Variants in WDR49 observed in about 807,000 individuals in gnomAD.
The protein encoded by WDR49 is cilia- and flagella-associated protein 337.
A neutral mutation model predicts 119.5 loss-of-function variants in WDR49; 107 were observed. That is an observed-to-expected ratio of 0.90 (90% confidence interval 0.77 to 1.05). The LOEUF is 1.05. Ranked by LOEUF, WDR49 falls within the 50% of genes least tolerant of loss-of-function variation. The pLI is 0.00. For synonymous variants in WDR49, 425 were observed against 418.8 expected, an observed-to-expected ratio of 1.01 and a Z score of -0.18; for missense variants, 1,240 against 1,220.5, an observed-to-expected ratio of 1.02 and a Z score of -0.24.
At chr3:167,562,503 A>G (rs1340002731) in intron 8 of WDR49, among the ~76,000 whole-genome samples, 3 of 152,238 alleles carry the variant, frequency 2.0e-5, no homozygotes, top group African/African-American at 7.2e-5. Context: ...TATTTATGCT[A>G]CACATTTTCT....
chr3:167,549,140 C>T (rs964189595), intron 10 of WDR49, among the ~76,000 whole-genome samples: 1 of 152,116 alleles, frequency 6.6e-6, no homozygotes, highest in Non-Finnish European at 1.5e-5. Flanking sequence ...GTGAATAGTG[C>T]CACAATAAAC....
At chr3:167,521,036 C>T (rs754967343) in intron 16 of WDR49, among the ~76,000 whole-genome samples, 1 of 152,042 alleles carries the variant, frequency 6.6e-6, no homozygotes, top group Non-Finnish European at 1.5e-5. Flanking sequence ...CTGTGTCTCA[C>T]TAACACCTGA....
intron 5 of WDR49, among the ~76,000 whole-genome samples, chr3:167,611,847 T>A (rs1716354575): frequency 6.6e-6 from 1 of 152,116 alleles, no homozygotes; most frequent in Admixed American, 6.5e-5. Flanking sequence ...AGGTAAATAT[T>A]ATTAGAACTG....
chr3:167,586,257 A>AG (rs1461152939), intron 7 of WDR49, among the ~76,000 whole-genome samples: 1 of 121,984 alleles, frequency 8.2e-6, no homozygotes, highest in African/African-American at 4.8e-5. Context: ...TCTCCATCAG[A>AG]GAGTTTGACA....
intron 2 of WDR49, among the ~76,000 whole-genome samples, chr3:167,642,035 G>A (rs1717906313): frequency 6.6e-6 from 1 of 151,870 alleles, no homozygotes; most frequent in African/African-American, 2.4e-5. Context: ...AGAATGAGAG[G>A]ATGGGAAGAA....
chr3:167,637,901 G>A (rs1300163896), intron 2 of WDR49, among the ~76,000 whole-genome samples: 1 of 151,522 alleles, frequency 6.6e-6, no homozygotes, highest in Non-Finnish European at 1.5e-5. Context: ...GTAGCCTTTA[G>A]TGTTTTCTAG....
At chr3:167,597,237 C>T (rs1449783647) in intron 7 of WDR49, among the ~76,000 whole-genome samples, 3 of 152,224 alleles carry the variant, frequency 2.0e-5, no homozygotes, top group African/African-American at 7.2e-5. Context: ...CAAGGTACAG[C>T]TAGGGCTGTT....
intron 18 of WDR49, among the ~76,000 whole-genome samples, chr3:167,497,452 A>T (rs1751396774): frequency 6.6e-6 from 1 of 152,178 alleles, no homozygotes; most frequent in Non-Finnish European, 1.5e-5. Context: ...CTCTTTGAGA[A>T]TTTATTAGAG....
chr3:167,543,569 G>A (rs1040425801), intron 10 of WDR49, among the ~76,000 whole-genome samples: 3 of 151,810 alleles, frequency 2.0e-5, no homozygotes, highest in Admixed American at 6.6e-5. Context: ...ATGCAGAAAA[G>A]ACATTTGACA....
At chr3:167,616,168 T>C (rs1716587937) in intron 5 of WDR49, among the ~76,000 whole-genome samples, 1 of 152,196 alleles carries the variant, frequency 6.6e-6, no homozygotes, top group Non-Finnish European at 1.5e-5. Context: ...GAAGCTCCTA[T>C]CCTTGCAGCT....
At chr3:167,495,883 G>GAAAAAAAAAAA in intron 18 of WDR49, among the ~76,000 whole-genome samples, 8 of 71,220 alleles carry the variant, frequency 1.1e-4, no homozygotes, top group Admixed American at 2.0e-4. Context: ...TTAAAAATTT[G>GAAAAAAAAAAA]AAAAAAAAAA....
chr3:167,640,211 G>A (rs1305911406), intron 2 of WDR49, among the ~76,000 whole-genome samples: 1 of 151,804 alleles, frequency 6.6e-6, no homozygotes, highest in Admixed American at 6.6e-5. Flanking sequence ...CTTCTCCCCT[G>A]TGACAGCAGA....
At chr3:167,589,706 G>A (rs553133176) in intron 7 of WDR49, among the ~76,000 whole-genome samples, 2 of 151,914 alleles carry the variant, frequency 1.3e-5, no homozygotes, top group South Asian at 2.1e-4. Flanking sequence ...TATTCTAAAC[G>A]GGATTATTTT....
chr3:167,480,750 G>C (rs1446613177), intron 18 of WDR49, among the ~76,000 whole-genome samples: 2 of 152,198 alleles, frequency 1.3e-5, no homozygotes, highest in African/African-American at 2.4e-5. Context: ...AAAGTATAGA[G>C]AGTATACGAA....
At chr3:167,585,861 G>T (rs1234016865) in intron 7 of WDR49, among the ~76,000 whole-genome samples, 1 of 152,032 alleles carries the variant, frequency 6.6e-6, no homozygotes, top group Non-Finnish European at 1.5e-5. Context: ...TGGATTTGAA[G>T]GGGAAATGAT....
chr3:167,491,402 T>C (rs963686379), intron 18 of WDR49, among the ~76,000 whole-genome samples: 38 of 152,070 alleles, frequency 2.5e-4, no homozygotes, highest in African/African-American at 8.9e-4. Flanking sequence ...TCTCCTCTCA[T>C]ATATTCCAGG....
chr3:167,506,015 A>G (rs1751755924), intron 16 of WDR49, among the ~76,000 whole-genome samples: 1 of 152,198 alleles, frequency 6.6e-6, no homozygotes, highest in South Asian at 2.1e-4. Flanking sequence ...TTTAAAATTC[A>G]CTGTCATAGA....
chr3:167,538,340 C>A (rs1352845996), intron 10 of WDR49, among the ~76,000 whole-genome samples: 1 of 152,032 alleles, frequency 6.6e-6, no homozygotes, highest in African/African-American at 2.4e-5. Context: ...GTTAATAGAC[C>A]AACATTCCAG....
intron 2 of WDR49, among the ~76,000 whole-genome samples, chr3:167,638,798 T>C (rs1717738302): frequency 6.6e-6 from 1 of 151,606 alleles, no homozygotes; most frequent in African/African-American, 2.4e-5. Context: ...AGCTCATCAA[T>C]TTGAATAAAG....
Sources: gnomAD v4.1 joint callset for allele counts (sites outside exome capture counted in the v4.1 genomes callset) on GRCh38, gnomAD v4.1.1 for gene constraint, MANE v1.5 for transcripts, NCBI Gene and HGNC (gene_info 2026-07-23, HGNC 2026-07-21) for gene names.